The following HACL1 variants were observed in gnomAD, a reference collection of about 807,000 sequenced individuals.
HACL1 encodes 2-hydroxyacyl-CoA lyase 1, also known as 1600020H07Rik.
Under a neutral mutation model 74.2 loss-of-function variants are expected in HACL1, and 64 were observed. That is an observed-to-expected ratio of 0.86 (90% confidence interval 0.70 to 1.06). The LOEUF is 1.06. HACL1 is among the 50% of genes least tolerant of loss of function. The pLI, the probability that HACL1 is intolerant of heterozygous loss-of-function variation, is 0.00. For missense variants in HACL1, 728 were observed against 719.7 expected, an observed-to-expected ratio of 1.01 and a Z score of -0.13; for synonymous variants, 230 against 238.8, an observed-to-expected ratio of 0.96 and a Z score of 0.34.
At chr3:15,586,357 G>A (rs1345055769) in intron 6 of HACL1, among the ~76,000 whole-genome samples, 168 bp downstream of exon 6, 1 of 152,144 alleles carries the variant, frequency 6.6e-6, no homozygotes, top group Non-Finnish European at 1.5e-5. Flanking sequence ...ATAATTAAAT[G>A]TAATGACAGT....
Position 15,562,991 on chromosome 3 carries a change from C to A in HACL1, c.1704+367G>T, listed in dbSNP as rs139460962. Reference sequence around the variant, plus strand: ...TCCTCTGAGAAGCCTTCCCTGTAACCCCAACATAAATCTGATTCCTTTGTG... The same window carrying A: ...TCCTCTGAGAAGCCTTCCCTGTAACACCAACATAAATCTGATTCCTTTGTG... On this transcript the variant is annotated intron_variant, in intron 16 of 16. Transcript: ENST00000321169. 5.9e-4 allele frequency among the ~76,000 whole-genome samples: 90 copies of A among 152,126 alleles called. 3 individuals carry two copies. In the East Asian group the frequency reaches 0.017, roughly 28 times the overall value.
At chr3:15,592,095 C>CGTG (rs1488882616) in intron 3 of HACL1, among the ~76,000 whole-genome samples, 1 of 139,656 alleles carries the variant, frequency 7.2e-6, no homozygotes, top group African/African-American at 3.0e-5. Flanking sequence ...TATACACACA[C>CGTG]TATATACGTA....
intron 9 of HACL1, among the ~76,000 whole-genome samples, chr3:15,576,510 C>A (rs2063629605): frequency 6.6e-6 from 1 of 152,006 alleles, no homozygotes; most frequent in Non-Finnish European, 1.5e-5. Context: ...AAACAACCAC[C>A]CTTGCTTTCT....
chr3:15,600,733 C>T, intron 2 of HACL1: 1 of 287,176 alleles, frequency 3.5e-6, no homozygotes, highest in South Asian at 4.7e-5. Flanking sequence ...GAAATAATAT[C>T]CCTGCTCTAA....
intron 2 of HACL1, among the ~76,000 whole-genome samples, chr3:15,599,567 AC>A (rs2064141840): frequency 6.6e-6 from 1 of 151,616 alleles, no homozygotes; most frequent in Non-Finnish European, 1.5e-5. Context: ...CCCTCAACCT[AC>A]CTACCAGTCT....
At chr3:15,599,356 T>A (rs1173113857) in intron 2 of HACL1, among the ~76,000 whole-genome samples, 1 of 152,154 alleles carries the variant, frequency 6.6e-6, no homozygotes. Flanking sequence ...AGCCTCTAAT[T>A]CCTGGACTTG....
chr3:15,580,868 G>A (rs2125255841), intron 8 of HACL1, among the ~76,000 whole-genome samples: 1 of 152,312 alleles, frequency 6.6e-6, no homozygotes, highest in Admixed American at 6.5e-5. Flanking sequence ...TTCTGTGATT[G>A]TAACAGAGCT....
rs1291332413 is a variant in HACL1 at position 15,583,105 on chromosome 3, A to G, written c.555-116T>C. 4 of 568,584 alleles carry G rather than the reference A, an allele frequency of 7.0e-6. No homozygotes were observed. In the South Asian group the frequency reaches 9.7e-5, roughly 14 times the overall value. The allele number at this position is 568,584 out of a possible 1,614,324, so 35.2% of individuals were successfully genotyped here. ...GTACAATAAATCTCCATACACCCCC[A>G]TGTAGATCTAACAACTTAATATCAT... On this transcript the variant is annotated intron_variant, in intron 7 of 16. Transcript: ENST00000321169.
At chr3:15,579,453 T>TA (rs1195667213) in intron 9 of HACL1, among the ~76,000 whole-genome samples, 1 of 152,048 alleles carries the variant, frequency 6.6e-6, no homozygotes, top group Non-Finnish European at 1.5e-5. Flanking sequence ...AATGAACAGA[T>TA]AGATACTCGG....
chr3:15,591,087 A>G (rs1341733313), intron 4 of HACL1, among the ~76,000 whole-genome samples: 1 of 152,158 alleles, frequency 6.6e-6, no homozygotes, highest in Non-Finnish European at 1.5e-5. Context: ...TCAAAAAAAG[A>G]AAGTGTTTAT....
At chr3:15,569,797 G>A (rs1456918217) in intron 12 of HACL1, among the ~76,000 whole-genome samples, 2 of 150,720 alleles carry the variant, frequency 1.3e-5, no homozygotes, top group Admixed American at 1.3e-4. Context: ...TCCAGCCTGG[G>A]CAACAAAAGC....
intron 14 of HACL1, 27 bp from the exon 15 acceptor site, chr3:15,564,685 A>G (rs1439977615): frequency 2.2e-6 from 2 of 892,792 alleles, no homozygotes; most frequent in African/African-American, 3.4e-5. Context: ...ATATGAAGGA[A>G]ATCATTCTTC....
chr3:15,591,426 C>T (rs759461868), intron 4 of HACL1, among the ~76,000 whole-genome samples, 174 bp downstream of exon 4: 6 of 152,026 alleles, frequency 3.9e-5, no homozygotes, highest in Non-Finnish European at 7.4e-5. Flanking sequence ...TCTCCCTATT[C>T]CCCCTCCTCC....
Position 15,573,244 on chromosome 3 carries a change from TA to T in HACL1, c.910-3del, listed in dbSNP as rs753154338. The stretch of plus-strand genomic sequence containing the variant: ...CAATTCTTCTGCACAGATATCAACC[TA>T]AAAAAGAGACAAGGCTAAAGAACAA... On this transcript the variant is annotated splice_region_variant and splice_polypyrimidine_tract_variant and intron_variant, in intron 10 of 16. Coordinates refer to ENST00000321169, the MANE Select transcript of HACL1 (RefSeq NM_012260.4). The T allele has an allele frequency of 4.4e-6, 7 of 1,582,852 alleles. No individual in the cohort carries two copies. Among genetic ancestry groups the T allele is most frequent in the Admixed American group, 1.7e-5 (1 of 59,790 alleles).
chr3:15,567,512 G>T (rs2063457568), intron 14 of HACL1, among the ~76,000 whole-genome samples: 1 of 151,406 alleles, frequency 6.6e-6, no homozygotes, highest in Non-Finnish European at 1.5e-5. Context: ...GAGCCACCAT[G>T]ACTGGCAGAA....
At chr3:15,562,918 G>A (rs2063366949) in intron 16 of HACL1, among the ~76,000 whole-genome samples, 1 of 151,864 alleles carries the variant, frequency 6.6e-6, no homozygotes, top group South Asian at 2.1e-4. Context: ...TCTCCCCTTT[G>A]CCGAGTTAGT....
At chr3:15,567,435 G>T (rs2063456415) in intron 14 of HACL1, among the ~76,000 whole-genome samples, 1 of 151,362 alleles carries the variant, frequency 6.6e-6, no homozygotes. Context: ...GGCCAGGCTG[G>T]TCTTGAACTC....
intron 14 of HACL1, among the ~76,000 whole-genome samples, 197 bp downstream of exon 14, chr3:15,567,647 G>C (rs1168724947): frequency 6.6e-6 from 1 of 152,192 alleles, no homozygotes; most frequent in East Asian, 1.9e-4. Context: ...TTACCATACA[G>C]TGAGGAGGCC....
chr3:15,591,784 A>G (rs1445938071), intron 3 of HACL1, 104 bp from the exon 4 acceptor site: 3 of 652,276 alleles, frequency 4.6e-6, no homozygotes, highest in African/African-American at 1.8e-5. Flanking sequence ...GGAAGGACAT[A>G]CAAGTCTTTA....
Sources: allele counts gnomAD v4.1 joint callset (sites outside exome capture counted in the v4.1 genomes callset), GRCh38; gene constraint gnomAD v4.1.1; transcripts MANE v1.5; gene names NCBI Gene and HGNC (gene_info 2026-07-23, HGNC 2026-07-21).